ENPP1: variants seen among roughly 807,000 people sequenced by gnomAD.
ENPP1 encodes the protein ectonucleotide pyrophosphatase/phosphodiesterase 1.
In ENPP1, 73 loss-of-function variants were observed where a neutral mutation model predicts 122.8. The ratio of observed to expected loss-of-function variants is 0.59; its 90% CI spans 0.49 to 0.72. The LOEUF is 0.72. Among genes scored for constraint, ENPP1 ranks in the 30% least tolerant of loss-of-function variants. ENPP1 has a pLI of 0.00. For missense variants in ENPP1, 978 were observed against 1,128.1 expected, an observed-to-expected ratio of 0.87 and a Z score of 1.91; for synonymous variants, 367 against 391.6, an observed-to-expected ratio of 0.94 and a Z score of 0.74.
intron 3 of ENPP1, 125 bp from the exon 4 acceptor site, chr6:131,851,017 A>ACT: frequency 9.4e-7 from 1 of 1,062,542 alleles, no homozygotes; most frequent in South Asian, 1.3e-5. Flanking sequence ...TCTGTGAGTG[A>ACT]CTAAGAGCTG....
chr6:131,887,905 G>T (rs1189463126), intron 24 of ENPP1, among the ~76,000 whole-genome samples: 1 of 135,086 alleles, frequency 7.4e-6, no homozygotes, highest in Non-Finnish European at 1.5e-5. Context: ...CTGTCACCCA[G>T]GCTGGAAGGC....
chr6:131,822,178 T>A (rs1347145247), intron 1 of ENPP1, among the ~76,000 whole-genome samples: 1 of 152,332 alleles, frequency 6.6e-6, no homozygotes, highest in Non-Finnish European at 1.5e-5. Flanking sequence ...ATGTGAAGAA[T>A]ATTGACATAT....
At chr6:131,835,638 C>T (rs895358767) in intron 1 of ENPP1, among the ~76,000 whole-genome samples, 5 of 151,932 alleles carry the variant, frequency 3.3e-5, no homozygotes, top group African/African-American at 1.2e-4. Context: ...GAACATGTGC[C>T]ATGGTGGTTT....
intron 23 of ENPP1, among the ~76,000 whole-genome samples, chr6:131,886,315 G>T (rs1477763348): frequency 6.6e-6 from 1 of 152,114 alleles, no homozygotes; most frequent in Non-Finnish European, 1.5e-5. Context: ...AGAACTAAAA[G>T]AATTCTAAAA....
rs1369480762 is a variant in ENPP1, at chr6:131,893,995, C to G, written c.*3484C>G. The G allele has an allele frequency of 7.8e-6, 1 of 128,676 alleles. No individual in the cohort carries two copies. Among genetic ancestry groups the G allele is most frequent in the Non-Finnish European group, 1.5e-5 (1 of 64,796 alleles). 8.0% of individuals were successfully genotyped at this position (128,676 alleles called of 1,614,324 possible). On this transcript the variant is annotated 3_prime_UTR_variant, in exon 25 of 25. Transcript: ENST00000647893. ...TTTTTTTTTTGAGATGCTCTGTCAC[C>G]CAGGCTGGAGTGCAGTGGCAAGATC...
rs1781891916 is a variant in ENPP1 at position 131,852,245 on chromosome 6, T to C, written c.617+10T>C. 2 of 1,561,288 alleles carry C rather than the reference T, an allele frequency of 1.3e-6. No homozygotes were observed. The highest frequency in any genetic ancestry group is 2.7e-5 in the African/African-American group (2 of 74,024). On this transcript the variant is annotated intron_variant, in intron 5 of 24. Coordinates refer to ENST00000647893, the MANE Select transcript of ENPP1 (RefSeq NM_006208.3). ...CACAGTGCCCAGCAGGGTAAGATTA[T>C]ATTCTGAGGTATTAATTTTTTCTTT... is the stretch of plus-strand genomic sequence containing the variant.
intron 6 of ENPP1, 134 bp downstream of exon 6, chr6:131,855,157 C>T: frequency 1.4e-6 from 1 of 725,020 alleles, no homozygotes; most frequent in East Asian, 2.6e-5. Flanking sequence ...GTAGTTGAAC[C>T]TTGTGTAAGG....
intron 24 of ENPP1, among the ~76,000 whole-genome samples, chr6:131,889,990 A>T (rs1782445314): frequency 6.6e-6 from 1 of 152,072 alleles, no homozygotes; most frequent in African/African-American, 2.4e-5. Context: ...AGGCATTCTG[A>T]GTGATTCTTT....
In ENPP1 at chr6:131,808,029, G is replaced by A. The variant is rs1490168587; in HGVS notation, c.-7G>A. 4 of 979,368 alleles carry A rather than the reference G, an allele frequency of 4.1e-6. No homozygotes were observed. The highest frequency in any genetic ancestry group is 4.8e-6 in the Non-Finnish European group (4 of 827,496). 60.7% of individuals were successfully genotyped at this position (979,368 alleles called of 1,614,324 possible). A position where few individuals can be genotyped will look rare whatever the true frequency, so the allele number is the denominator to read the frequency against. ...CGGGCAGCGGGGCCGGAGCGGCCGG[G>A]GCCACGATGGAGCGCGACGGCTGCG... On this transcript the variant is annotated 5_prime_UTR_variant, in exon 1 of 25. Coordinates refer to ENST00000647893, the MANE Select transcript of ENPP1 (RefSeq NM_006208.3).
chr6:131,817,786 C>CACACGT (rs55820680), intron 1 of ENPP1, among the ~76,000 whole-genome samples: 1 of 148,786 alleles, frequency 6.7e-6, no homozygotes, highest in Non-Finnish European at 1.5e-5. Flanking sequence ...CACACACACA[C>CACACGT]GTGTGTATGT....
At chr6:131,857,672 G>A (rs1017889324) in intron 6 of ENPP1, among the ~76,000 whole-genome samples, 5 of 152,070 alleles carry the variant, frequency 3.3e-5, no homozygotes, top group African/African-American at 4.8e-5. Context: ...AGGGGGGAGC[G>A]ATAGCATTGG....
At position 131,882,421 on chromosome 6, in the gene ENPP1, G is replaced by T. The variant is rs752107959; in HGVS notation, c.2177G>T (p.Cys726Phe). The T allele has an allele frequency of 6.2e-7, 1 of 1,608,980 alleles. No homozygotes were observed. The highest frequency in any genetic ancestry group is 1.7e-5 in the Admixed American group (1 of 59,922). ...FRIPLSPVHKCSFYKNNTKVS... is the reference protein window; with the variant it reads ...FRIPLSPVHKFSFYKNNTKVS... ...ATTCCTCTTAGTCCTGTCCATAAAT[G>T]TTCATTTTATAAAAATAACACCAAA... The change falls in exon 21 of 25, where the codon TGT becomes TTT. Residue 726 changes from cysteine to phenylalanine, a missense_variant. Around this residue, in one of 3 missense-constraint regions of ENPP1, gnomAD observed 644 missense variants for 781.5 expected, o/e 0.82. Coordinates refer to ENST00000647893, the MANE Select transcript of ENPP1 (RefSeq NM_006208.3).
chr6:131,810,739 T>C (rs976542174), intron 1 of ENPP1, among the ~76,000 whole-genome samples: 8 of 151,972 alleles, frequency 5.3e-5, no homozygotes, highest in Admixed American at 1.3e-4. Flanking sequence ...TTGCCTTGCC[T>C]TTCAGAGGCA....
chr6:131,813,876 C>G (rs1781385925), intron 1 of ENPP1, among the ~76,000 whole-genome samples: 1 of 152,086 alleles, frequency 6.6e-6, no homozygotes, highest in Non-Finnish European at 1.5e-5. Flanking sequence ...TAGTTTACAA[C>G]TTTTCAGGAG....
At chr6:131,862,495 A>G (rs895923464) in intron 9 of ENPP1, among the ~76,000 whole-genome samples, 1 of 152,206 alleles carries the variant, frequency 6.6e-6, no homozygotes, top group Non-Finnish European at 1.5e-5. Context: ...TTATTACTCA[A>G]ATCAGTCTCC....
At chr6:131,826,904 G>C (rs544351023) in intron 1 of ENPP1, 1 of 386,974 alleles carries the variant, frequency 2.6e-6, no homozygotes, top group Non-Finnish European at 4.9e-6. Context: ...TTCTTCAGGT[G>C]AAATACCCAG....
chr6:131,860,299 A>G, intron 7 of ENPP1, 88 bp from the exon 8 acceptor site: 1 of 1,021,792 alleles, frequency 9.8e-7, no homozygotes, highest in East Asian at 2.5e-5. Flanking sequence ...AGCTTCAGTT[A>G]TCGGTTTCTT....
In ENPP1 at chr6:131,848,170, G is replaced by T. The variant is rs533886835; in HGVS notation, c.313+322G>T. On this transcript the variant is annotated intron_variant, in intron 2 of 24. Coordinates refer to ENST00000647893, the MANE Select transcript of ENPP1 (RefSeq NM_006208.3). ...AGGAGTTAGTTGCTGAAGCAACCCTGTAGGTTACTAGGTGACAGTTACCAT... is the reference window on the plus strand; with the variant it reads ...AGGAGTTAGTTGCTGAAGCAACCCTTTAGGTTACTAGGTGACAGTTACCAT... 3.3e-5 allele frequency among the ~76,000 whole-genome samples: 5 copies of T among 152,208 alleles called. No homozygotes were observed. In the South Asian group the frequency reaches 8.3e-4, roughly 25 times the overall value.
rs535730787 is a variant in ENPP1, at chr6:131,809,456, A to G, written c.240+1181A>G. ...ACTTAAAAAGAAGCCTTAGTTTCAC[A>G]GAATAAGTACCCCAAGCCACATGAT... On this transcript the variant is annotated intron_variant, in intron 1 of 24. Transcript: ENST00000647893. Among the ~76,000 whole-genome samples, 112 of 152,342 alleles carry G rather than the reference A, an allele frequency of 7.4e-4. 1 individual carries two copies. The highest frequency in any genetic ancestry group is 3.4e-3 in the Middle Eastern group (1 of 294).
Sources: allele counts gnomAD v4.1 joint callset (sites outside exome capture counted in the v4.1 genomes callset), GRCh38; gene constraint gnomAD v4.1.1; regional missense constraint gnomAD v4.1.1; transcripts MANE v1.5; gene names NCBI Gene and HGNC (gene_info 2026-07-23, HGNC 2026-07-21).